Variants in EDA observed in about 807,000 individuals in gnomAD.
EDA encodes the protein ectodysplasin A.
EDA carries 2 observed loss-of-function variants against 23.6 expected under a neutral mutation model. The ratio of observed to expected loss-of-function variants is 0.08; its 90% confidence interval spans 0.03 to 0.27. EDA has a LOEUF of 0.27. Among genes scored for constraint, EDA ranks in the 10% least tolerant of loss-of-function variants. The probability of loss-of-function intolerance (pLI) is 1.00; values close to 1 mark genes in which losing one functional copy is unlikely to be tolerated. For synonymous variants in EDA, 131 were observed against 132.0 expected, an observed-to-expected ratio of 0.99 and a Z score of 0.05; for missense variants, 229 against 324.2, an observed-to-expected ratio of 0.71 and a Z score of 2.26.
intron 2 of EDA, among the ~76,000 whole-genome samples, chrX:69,991,720 G>A (rs781693544): frequency 9.0e-6 from 1 of 111,678 alleles, no homozygotes; most frequent in Admixed American, 9.5e-5. Context: ...TCTCCTAGCC[G>A]GAGATCATTT....
intron 1 of EDA, among the ~76,000 whole-genome samples, chrX:69,667,392 C>T (rs1009306906): frequency 9.0e-5 from 10 of 110,864 alleles, no homozygotes; most frequent in African/African-American, 2.9e-4. Flanking sequence ...GGATTACAGG[C>T]GTGAGCCACC....
intron 1 of EDA, among the ~76,000 whole-genome samples, chrX:69,934,814 T>A (rs1376969402): frequency 8.9e-6 from 1 of 111,750 alleles, no homozygotes; most frequent in Non-Finnish European, 1.9e-5. Flanking sequence ...ATGTACAATA[T>A]TTTAAAACGT....
intron 1 of EDA, among the ~76,000 whole-genome samples, chrX:69,671,393 C>T (rs1202009449): frequency 1.8e-5 from 2 of 111,263 alleles, no homozygotes; most frequent in South Asian, 3.8e-4. Context: ...TACTTAGATC[C>T]AGGGCACAGG....
chrX:69,881,658 C>T (rs1308171207), intron 1 of EDA, among the ~76,000 whole-genome samples: 2 of 111,536 alleles, frequency 1.8e-5, no homozygotes, highest in African/African-American at 3.3e-5. Flanking sequence ...TGCATTAGTC[C>T]ATTTTGCGTT....
At chrX:69,624,390 C>T (rs1382719253) in intron 1 of EDA, among the ~76,000 whole-genome samples, 3 of 111,363 alleles carry the variant, frequency 2.7e-5, no homozygotes, top group Non-Finnish European at 5.7e-5. Flanking sequence ...CTTGAGGGTA[C>T]GTTTCTATTG....
At chrX:69,835,301 A>G (rs987823947) in intron 1 of EDA, among the ~76,000 whole-genome samples, 1 of 111,999 alleles carries the variant, frequency 8.9e-6, no homozygotes, top group Admixed American at 9.5e-5. Context: ...AATATCCTGC[A>G]GAGTGTTTTC....
chrX:69,824,530 C>A (rs1340514717), intron 1 of EDA, among the ~76,000 whole-genome samples: 3 of 109,376 alleles, frequency 2.7e-5, no homozygotes, highest in Admixed American at 9.8e-5. Flanking sequence ...AATGCTTGTG[C>A]TTTTTGTACA....
At chrX:69,778,795 C>T (rs1312939199) in intron 1 of EDA, among the ~76,000 whole-genome samples, 1 of 111,353 alleles carries the variant, frequency 9.0e-6, no homozygotes, top group African/African-American at 3.3e-5. Flanking sequence ...ACCCATGAAC[C>T]TTTAGAATGA....
intron 1 of EDA, among the ~76,000 whole-genome samples, chrX:69,888,978 T>TTATATATATGTATA (rs2017876254): frequency 6.2e-5 from 1 of 16,030 alleles, no homozygotes; most frequent in Admixed American, 1.4e-3. Context: ...TGTGGGGTAG[T>TTATATATATGTATA]TATATATATA....
intron 1 of EDA, among the ~76,000 whole-genome samples, chrX:69,888,978 T>TAGATAGATAGATAGATATATATATATA (rs1556026049): frequency 1.2e-4 from 2 of 16,013 alleles, no homozygotes; most frequent in East Asian, 3.3e-3. Context: ...TGTGGGGTAG[T>TAGATAGATAGATAGATATATATATATA]TATATATATA....
chrX:70,023,520 A>G (rs748208917), intron 3 of EDA, among the ~76,000 whole-genome samples: 51 of 55,555 alleles, frequency 9.2e-4, no homozygotes, highest in African/African-American at 3.9e-3. Flanking sequence ...ACGGAGTTTC[A>G]CTCTTGTTGC....
intron 1 of EDA, among the ~76,000 whole-genome samples, chrX:69,771,048 T>G (rs1288608849): frequency 1.8e-5 from 2 of 109,143 alleles, no homozygotes; most frequent in Non-Finnish European, 3.8e-5. Context: ...AGAAAGTATT[T>G]ATTTATTTAT....
intron 2 of EDA, among the ~76,000 whole-genome samples, chrX:70,004,760 G>A (rs766789959): frequency 9.0e-6 from 1 of 111,708 alleles, no homozygotes; most frequent in Non-Finnish European, 1.9e-5. Context: ...ACAATGTCCA[G>A]TTCTCTGGTA....
chrX:69,863,353 C>G (rs2017418999), intron 1 of EDA, among the ~76,000 whole-genome samples: 1 of 108,916 alleles, frequency 9.2e-6, no homozygotes, highest in East Asian at 2.9e-4. Flanking sequence ...TTTATTGATT[C>G]ATTTTTTAAC....
chrX:69,797,925 G>T (rs1451923194), intron 1 of EDA, among the ~76,000 whole-genome samples: 1 of 111,711 alleles, frequency 9.0e-6, no homozygotes, highest in Non-Finnish European at 1.9e-5. Context: ...TACAAGAAAT[G>T]AACTTTACCT....
intron 1 of EDA, among the ~76,000 whole-genome samples, chrX:69,748,556 T>C (rs777021068): frequency 9.0e-6 from 1 of 111,124 alleles, no homozygotes; most frequent in Non-Finnish European, 1.9e-5. Flanking sequence ...ATACTTTTTT[T>C]AAAAAAAGAA....
At chrX:69,750,357 C>CT (rs1162179940) in intron 1 of EDA, among the ~76,000 whole-genome samples, 1 of 109,150 alleles carries the variant, frequency 9.2e-6, no homozygotes, top group Non-Finnish European at 1.9e-5. Flanking sequence ...GGAACTCATC[C>CT]TTTTTTATGG....
intron 3 of EDA, among the ~76,000 whole-genome samples, chrX:70,025,863 T>C (rs964609671): frequency 4.5e-5 from 5 of 112,171 alleles, no homozygotes; most frequent in African/African-American, 1.6e-4. Context: ...AGATGTTCTC[T>C]GGACCTTCCT....
intron 1 of EDA, among the ~76,000 whole-genome samples, chrX:69,821,494 C>G (rs1347712321): frequency 8.9e-6 from 1 of 112,071 alleles, no homozygotes; most frequent in African/African-American, 3.2e-5. Context: ...CCATATATCT[C>G]AGATTTCACA....
Sources: allele counts gnomAD v4.1 joint callset (sites outside exome capture counted in the v4.1 genomes callset), GRCh38; gene constraint gnomAD v4.1.1; transcripts MANE v1.5; gene names NCBI Gene and HGNC (gene_info 2026-07-23, HGNC 2026-07-21).